Variants in BCL2 observed in about 807,000 individuals in gnomAD.
BCL2 encodes apoptosis regulator Bcl-2.
BCL2 carries 1 observed loss-of-function variant against 14.2 expected under a neutral mutation model. The observed-to-expected ratio is 0.07, with a 90% CI of 0.02 to 0.33. BCL2 has a LOEUF of 0.33. BCL2 is among the 10% of genes least tolerant of loss of function. BCL2 has a pLI of 0.99. For missense variants in BCL2, 247 were observed against 305.9 expected (o/e 0.81, Z 1.44); for synonymous variants, 151 against 137.2 (o/e 1.10, Z -0.70).
chr18:63,290,051 A>C (rs1912601628), intron 2 of BCL2, among the ~76,000 whole-genome samples: 1 of 152,170 alleles, frequency 6.6e-6, no homozygotes, highest in African/African-American at 2.4e-5. Context: ...GAGGGCAGTG[A>C]AGGATGCTGG....
At chr18:63,274,772 AC>A (rs1912107905) in intron 2 of BCL2, among the ~76,000 whole-genome samples, 1 of 152,028 alleles carries the variant, frequency 6.6e-6, no homozygotes, top group African/African-American at 2.4e-5. Context: ...CTGCCTCCAA[AC>A]CCACCTTCCC....
chr18:63,233,732 G>A (rs1599259984), intron 2 of BCL2, among the ~76,000 whole-genome samples: 1 of 152,116 alleles, frequency 6.6e-6, no homozygotes, highest in Non-Finnish European at 1.5e-5. Context: ...CTGGGGGCTG[G>A]GGACCCCTGG....
At chr18:63,141,812 T>C (rs1256741231) in intron 2 of BCL2, among the ~76,000 whole-genome samples, 1 of 152,244 alleles carries the variant, frequency 6.6e-6, no homozygotes, top group Non-Finnish European at 1.5e-5. Context: ...TCCACAGGGA[T>C]TGGCGACAGG....
At chr18:63,315,811 A>G (rs1913478950) in intron 2 of BCL2, 4 of 152,172 alleles carry the variant, frequency 2.6e-5, no homozygotes, top group Admixed American at 2.6e-4. Context: ...ATCATTCTCA[A>G]ACACTACCAC....
At chr18:63,219,513 G>A (rs1183807782) in intron 2 of BCL2, among the ~76,000 whole-genome samples, 1 of 142,172 alleles carries the variant, frequency 7.0e-6, no homozygotes, top group Admixed American at 7.4e-5. Context: ...GTAGAACACA[G>A]TGGCACAATC....
chr18:63,245,278 A>T (rs1198770034), intron 2 of BCL2, among the ~76,000 whole-genome samples: 1 of 152,234 alleles, frequency 6.6e-6, no homozygotes, highest in East Asian at 1.9e-4. Flanking sequence ...TAATGTGGTC[A>T]GGGTTACTTA....
chr18:63,219,451 C>CTTTT lies in BCL2; in HGVS notation c.586-90696_586-90693dup, dbSNP rs11289698. Among the ~76,000 whole-genome samples the CTTTT allele has an allele frequency of 3.6e-4, 40 of 109,770 alleles. 1 individual carries two copies. The highest frequency in any genetic ancestry group is 8.4e-4 in the African/African-American group (24 of 28,540). 72.0% of individuals were successfully genotyped at this position (109,770 alleles called of 152,430 possible). ...ACACCATGTATCAACCACAGCAGAA[C>CTTTT]TTTTTTTTTTTTTTTTTTTTTTTGA... On this transcript the variant is annotated intron_variant, in intron 2 of 2. Coordinates refer to ENST00000333681, the MANE Select transcript of BCL2 (RefSeq NM_000633.3).
At chr18:63,163,458 A>G (rs928404259) in intron 2 of BCL2, among the ~76,000 whole-genome samples, 1 of 152,222 alleles carries the variant, frequency 6.6e-6, no homozygotes, top group African/African-American at 2.4e-5. Flanking sequence ...GCCTAGCCCT[A>G]TAACAGCAGA....
intron 2 of BCL2, among the ~76,000 whole-genome samples, chr18:63,311,657 T>G (rs542113316): frequency 3.0e-4 from 46 of 152,266 alleles, no homozygotes; most frequent in Non-Finnish European, 6.0e-4. Context: ...TCCCTGAAGT[T>G]GTGAAGGCAA....
intron 2 of BCL2, among the ~76,000 whole-genome samples, chr18:63,152,872 G>A (rs908827400): frequency 6.6e-6 from 1 of 152,140 alleles, no homozygotes; most frequent in Non-Finnish European, 1.5e-5. Context: ...GTCCTTCAGC[G>A]GAGACTACAA....
At chr18:63,234,814 G>C (rs1910778827) in intron 2 of BCL2, among the ~76,000 whole-genome samples, 1 of 152,176 alleles carries the variant, frequency 6.6e-6, no homozygotes, top group Admixed American at 6.5e-5. Context: ...AACAGAGATA[G>C]CATCTAGCTC....
chr18:63,149,891 T>C lies in BCL2; in HGVS notation c.586-21132A>G, dbSNP rs1914609924. Among the ~76,000 whole-genome samples, 1 of 149,884 alleles carries C rather than the reference T, an allele frequency of 6.7e-6. No homozygotes were observed. The highest frequency in any genetic ancestry group is 6.6e-5 in the Admixed American group (1 of 15,074). On this transcript the variant is annotated intron_variant, in intron 2 of 2. Coordinates refer to ENST00000333681, the MANE Select transcript of BCL2 (RefSeq NM_000633.3). The surrounding 1 kb of genome is among the most constrained non-coding windows in gnomAD (Gnocchi z 4.2). ...TTTATTTATTTATTTATTTATTTAT[T>C]TTGAGACAGCGTCTCCCTCTGTCAG...
At chr18:63,254,538 G>C (rs1911413553) in intron 2 of BCL2, among the ~76,000 whole-genome samples, 1 of 151,466 alleles carries the variant, frequency 6.6e-6, no homozygotes, top group South Asian at 2.1e-4. Context: ...CTGGGCAACA[G>C]AGCAAGACCC....
Position 63,274,653 on chromosome 18 carries a change from C to G in BCL2, c.585+43429G>C, listed in dbSNP as rs139020159. 1.4e-3 allele frequency among the ~76,000 whole-genome samples: 208 copies of G among 152,124 alleles called. 2 individuals are homozygous for G. Among genetic ancestry groups the G allele is most frequent in the African/African-American group, 4.7e-3 (197 of 41,482 alleles). On this transcript the variant is annotated intron_variant, in intron 2 of 2. Transcript: ENST00000333681. ...TATGCACAAAGATCAATTGGTGAAC[C>G]CTTCCCACCCTTGTTTTTGAAGCAA... is the stretch of plus-strand genomic sequence containing the variant.
intron 2 of BCL2, among the ~76,000 whole-genome samples, chr18:63,155,847 C>G (rs928367336): frequency 9.9e-5 from 15 of 152,128 alleles, no homozygotes; most frequent in African/African-American, 3.1e-4. Flanking sequence ...GTCGCACCCT[C>G]TCCCTTCCTG....
Position 63,150,815 on chromosome 18 carries a change from A to C in BCL2, c.586-22056T>G, listed in dbSNP as rs548166920. On this transcript the variant is annotated intron_variant, in intron 2 of 2. Coordinates refer to ENST00000333681, the MANE Select transcript of BCL2 (RefSeq NM_000633.3). ...TCCAGAAATATTGGACTATAACATA[A>C]GATTTGATGCTTAAGAATGAGTTAT... 3.3e-5 allele frequency among the ~76,000 whole-genome samples: 5 copies of C among 152,280 alleles called. No individual in the cohort carries two copies. In the East Asian group the frequency reaches 9.6e-4, roughly 29 times the overall value.
At chr18:63,272,757 T>C (rs1365271238) in intron 2 of BCL2, among the ~76,000 whole-genome samples, 1 of 152,228 alleles carries the variant, frequency 6.6e-6, no homozygotes, top group Non-Finnish European at 1.5e-5. Context: ...CAGGCTGCCG[T>C]ATATATTTTA....
chr18:63,145,907 C>A (rs1177029862), intron 2 of BCL2, among the ~76,000 whole-genome samples: 1 of 152,094 alleles, frequency 6.6e-6, no homozygotes, highest in Non-Finnish European at 1.5e-5. Context: ...AGCTGAACAG[C>A]GAGGAGTTGG....
chr18:63,282,591 C>G (rs527487701), intron 2 of BCL2, among the ~76,000 whole-genome samples: 1 of 152,092 alleles, frequency 6.6e-6, no homozygotes, highest in Non-Finnish European at 1.5e-5. Context: ...CTTTAACAAG[C>G]ATTCAATATC....
Sources: gnomAD v4.1 joint callset for allele counts (sites outside exome capture counted in the v4.1 genomes callset) on GRCh38, gnomAD v4.1.1 for gene constraint, Gnocchi (gnomAD v3.1) non-coding constraint, MANE v1.5 for transcripts, NCBI Gene and HGNC (gene_info 2026-07-23, HGNC 2026-07-21) for gene names.